POLI: variants seen among roughly 807,000 people sequenced by gnomAD.
POLI encodes the protein DNA polymerase iota.
Under a neutral mutation model 51.6 loss-of-function variants are expected in POLI, and 58 were observed. The ratio of observed to expected loss-of-function variants is 1.12; its 90% CI spans 0.91 to 1.40. POLI has a LOEUF of 1.40. POLI is among the 40% of genes most tolerant of loss of function. The pLI, the probability that POLI is intolerant of heterozygous loss-of-function variation, is 0.00. For missense variants in POLI, 921 were observed against 871.3 expected (o/e 1.06, Z -0.72); for synonymous variants, 322 against 299.7 (o/e 1.07, Z -0.77).
intron 5 of POLI, 73 bp downstream of exon 5, chr18:54,280,976 A>T (rs2087474541): frequency 1.3e-6 from 1 of 766,600 alleles, no homozygotes; most frequent in Non-Finnish European, 2.1e-6. Flanking sequence ...TTATAGATAC[A>T]ATGTAATTAA....
At chr18:54,287,475 T>C (rs935412915) in intron 8 of POLI, 64 bp downstream of exon 8, 1 of 1,239,092 alleles carries the variant, frequency 8.1e-7, no homozygotes, top group South Asian at 1.3e-5. Context: ...CAACTTTGAA[T>C]GAGAAATATG....
chr18:54,273,494 A>T (rs952173789), intron 2 of POLI, among the ~76,000 whole-genome samples: 1 of 151,756 alleles, frequency 6.6e-6, no homozygotes, highest in Non-Finnish European at 1.5e-5. Flanking sequence ...GTATCTTATC[A>T]CTGAAGATTC....
chr18:54,284,969 C>T (rs1333603473), intron 7 of POLI, among the ~76,000 whole-genome samples: 1 of 152,176 alleles, frequency 6.6e-6, no homozygotes, highest in Non-Finnish European at 1.5e-5. Flanking sequence ...AGGGCTCTAA[C>T]AGTTTAGAGT....
Position 54,297,420 on chromosome 18 carries a change from T to C in POLI, c.*2953T>C, listed in dbSNP as rs2088388683. 2 of 982,634 alleles carry C rather than the reference T, an allele frequency of 2.0e-6. No individual in the cohort carries two copies. Among genetic ancestry groups the C allele is most frequent in the African/African-American group, 1.7e-5 (1 of 57,292 alleles). 60.9% of individuals were successfully genotyped at this position (982,634 alleles called of 1,614,324 possible). ...AGTGTAGGCCTGGAGATTTCCCTTA[T>C]ATGGTACAAACCAGCAATGAATTAA... is the stretch of plus-strand genomic sequence containing the variant. On this transcript the variant is annotated 3_prime_UTR_variant, in exon 10 of 10. Coordinates refer to ENST00000579534, the MANE Select transcript of POLI (RefSeq NM_007195.3).
At chr18:54,321,141 G>A (rs1051808733) in exon 5 of POLI, 5 of 152,142 alleles carry the variant, frequency 3.3e-5, no homozygotes, top group East Asian at 1.9e-4. Context: ...CTTTCAAAGC[G>A]AAAGCCACTT....
intron 3 of POLI, among the ~76,000 whole-genome samples, chr18:54,308,149 G>A (rs1453248483): frequency 6.6e-5 from 10 of 152,112 alleles, no homozygotes; most frequent in Non-Finnish European, 1.0e-4. Flanking sequence ...TATTTTGCCC[G>A]TTAGTTGATG....
downstream of POLI, among the ~76,000 whole-genome samples, chr18:54,300,045 C>CTCA (rs1368935770): frequency 6.6e-6 from 1 of 151,532 alleles, no homozygotes; most frequent in African/African-American, 2.4e-5. Context: ...TATGAAAGAA[C>CTCA]TCATGCCCGG....
chr18:54,309,786 G>T (rs1450956437), intron 3 of POLI, among the ~76,000 whole-genome samples: 1 of 152,190 alleles, frequency 6.6e-6, no homozygotes, highest in African/African-American at 2.4e-5. Context: ...CCTCAGCAAT[G>T]GTGGATGCCC....
downstream of POLI, among the ~76,000 whole-genome samples, chr18:54,302,128 C>G (rs1405781173): frequency 6.6e-6 from 1 of 152,076 alleles, no homozygotes. Flanking sequence ...TCCTGATGTC[C>G]GTATCATTAG....
chr18:54,319,066 T>G (rs1034087948), intron 3 of POLI, among the ~76,000 whole-genome samples: 1 of 152,096 alleles, frequency 6.6e-6, no homozygotes, highest in African/African-American at 2.4e-5. Flanking sequence ...CTCTTTTTCT[T>G]CCTGCTTAGA....
At chr18:54,304,813 G>A (rs2088554030) in intron 3 of POLI, among the ~76,000 whole-genome samples, 1 of 152,166 alleles carries the variant, frequency 6.6e-6, no homozygotes, top group South Asian at 2.1e-4. Context: ...TGCTTTTGGT[G>A]TTTTAGACAT....
In POLI at chr18:54,298,185, T is replaced by C. The variant is rs2088424550; in HGVS notation, c.*3718T>C. Reference sequence around the variant, plus strand: ...ATAAATGAACATGTTAATGAGTAATTGTAACAACTATGTAACTGTCCAAGT... The same window carrying C: ...ATAAATGAACATGTTAATGAGTAATCGTAACAACTATGTAACTGTCCAAGT... On this transcript the variant is annotated 3_prime_UTR_variant, in exon 10 of 10. Coordinates refer to ENST00000579534, the MANE Select transcript of POLI (RefSeq NM_007195.3). 2.9e-6 allele frequency: 1 copy of C among 347,082 alleles called. No homozygotes were observed. Among genetic ancestry groups the C allele is most frequent in the African/African-American group, 2.2e-5 (1 of 45,084 alleles). 21.5% of individuals were successfully genotyped at this position (347,082 alleles called of 1,614,324 possible).
At chr18:54,299,312 G>A (rs1045201798), downstream of POLI, among the ~76,000 whole-genome samples, 7 of 152,198 alleles carry the variant, frequency 4.6e-5, no homozygotes, top group African/African-American at 1.7e-4. Flanking sequence ...GTGCACGCCT[G>A]TAGTCCCACC....
At chr18:54,287,596 T>TTTA (rs1568135209) in intron 8 of POLI, 185 bp downstream of exon 8, 62 of 460,908 alleles carry the variant, frequency 1.3e-4, no homozygotes, top group East Asian at 1.1e-3. Flanking sequence ...TTATTTATTT[T>TTTA]TTGAGACAGG....
intron 3 of POLI, among the ~76,000 whole-genome samples, chr18:54,314,061 T>C (rs1007239709): frequency 2.0e-5 from 3 of 152,180 alleles, no homozygotes; most frequent in Non-Finnish European, 2.9e-5. Context: ...CTTTTGCCCA[T>C]TCAGTATAAT....
chr18:54,297,365 G>C lies in POLI; in HGVS notation c.*2898G>C. 1 of 982,722 alleles carries C rather than the reference G, an allele frequency of 1.0e-6. No individual in the cohort carries two copies. Among genetic ancestry groups the C allele is most frequent in the South Asian group, 4.7e-5 (1 of 21,232 alleles). 60.9% of individuals were successfully genotyped at this position (982,722 alleles called of 1,614,324 possible). ...TTTATTTTTTCTGTTTCTCTCTTGA[G>C]TGTATAGTGTAGAGGGGGTTTCTGT... is the stretch of plus-strand genomic sequence containing the variant. On this transcript the variant is annotated 3_prime_UTR_variant, in exon 10 of 10. Transcript: ENST00000579534.
Position 54,295,426 on chromosome 18 carries a change from T to A in POLI, c.*959T>A, listed in dbSNP as rs2088273640. 2.1e-6 allele frequency: 2 copies of A among 971,542 alleles called. No individual in the cohort carries two copies. The highest frequency in any genetic ancestry group is 1.8e-5 in the African/African-American group (1 of 56,984). The allele number at this position is 971,542 out of a possible 1,614,324, so 60.2% of individuals were successfully genotyped here. A position where few individuals can be genotyped will look rare whatever the true frequency, so the allele number is the denominator to read the frequency against. ...TAAAAATTGGATATAAGATTGAGAA[T>A]GTATTATATAATTTGCAAGACATAG... On this transcript the variant is annotated 3_prime_UTR_variant, in exon 10 of 10. Coordinates refer to ENST00000579534, the MANE Select transcript of POLI (RefSeq NM_007195.3).
rs567465369 is a variant in POLI, at chr18:54,307,032, A to G, written c.334-13241A>G. Among the ~76,000 whole-genome samples, 13 of 152,314 alleles carry G rather than the reference A, an allele frequency of 8.5e-5. No individual in the cohort carries two copies. The East Asian group carries it at 2.3e-3, about 27-fold the overall frequency. Reference sequence around the variant, plus strand: ...AAGATCAACAAAATTGATCTTCTCAAAAAACCAGCTCCTGGATTCATTGAT... The same window carrying G: ...AAGATCAACAAAATTGATCTTCTCAGAAAACCAGCTCCTGGATTCATTGAT... On this transcript the variant is annotated intron_variant, in intron 3 of 4. Transcript: ENST00000579823.
intron 3 of POLI, chr18:54,320,212 A>G (rs539239778): frequency 3.9e-5 from 6 of 152,278 alleles, no homozygotes; most frequent in Admixed American, 3.3e-4. Context: ...TCTTTTAAAT[A>G]GTAGTGGTTT....
Sources: gnomAD v4.1 joint callset for allele counts (sites outside exome capture counted in the v4.1 genomes callset) on GRCh38, gnomAD v4.1.1 for gene constraint, MANE v1.5 for transcripts, NCBI Gene and HGNC (gene_info 2026-07-23, HGNC 2026-07-21) for gene names.